The following ALAD variants were observed in gnomAD, a reference collection of about 807,000 sequenced individuals.
The protein encoded by ALAD is delta-aminolevulinic acid dehydratase.
Under a neutral mutation model 44.4 loss-of-function variants are expected in ALAD, and 20 were observed. The observed-to-expected ratio is 0.45, with a 90% CI of 0.32 to 0.65. The LOEUF (loss-of-function observed/expected upper bound fraction) is 0.65. ALAD is among the 30% of genes least tolerant of loss of function. The pLI is 0.05. For missense variants in ALAD, 323 were observed against 445.7 expected, an observed-to-expected ratio of 0.72 and a Z score of 2.48; for synonymous variants, 156 against 167.9, an observed-to-expected ratio of 0.93 and a Z score of 0.55.
chr9:113,389,205 C>A, intron 10 of ALAD, 99 bp from the exon 11 acceptor site: 2 of 1,545,220 alleles, frequency 1.3e-6, no homozygotes, highest in African/African-American at 1.4e-5. Context: ...ATCTTGAGCC[C>A]CGTGTCCTGG....
rs767727277 is a variant in ALAD at position 113,390,629 on chromosome 9, G to A, written c.445C>T (p.Arg149Trp). ...GAFRAEESRQ[R>W]LAEVALAYAK... Reference sequence around the variant, plus strand: ...TACGCCAATGCCACCTCAGCCAGCCGCTGGCGGCTCTCCTCAGCCCGGAAT... The same window carrying A: ...TACGCCAATGCCACCTCAGCCAGCCACTGGCGGCTCTCCTCAGCCCGGAAT... Residue 149 changes from arginine to tryptophan, a missense_variant, in exon 6 of 12, where the codon CGG (arginine) becomes TGG (tryptophan). Coordinates refer to ENST00000409155, the MANE Select transcript of ALAD (RefSeq NM_000031.6). 1.2e-6 allele frequency: 2 copies of A among 1,614,150 alleles called. No homozygotes were observed. Among genetic ancestry groups the A allele is most frequent in the South Asian group, 1.1e-5 (1 of 91,082 alleles).
chr9:113,390,683 G>A lies in ALAD; in HGVS notation c.398-7C>T. 4 of 1,613,288 alleles carry A rather than the reference G, an allele frequency of 2.5e-6. No homozygotes were observed. The highest frequency in any genetic ancestry group is 2.5e-6 in the Non-Finnish European group (3 of 1,179,638). ...CCGTTTTCACTCAGGAGCCCTTCAG[G>A]ACAGATGACTGGGTTTTGGGGAGCA... On this transcript the variant is annotated splice_polypyrimidine_tract_variant and splice_region_variant and intron_variant, in intron 5 of 11. Coordinates refer to ENST00000409155, the MANE Select transcript of ALAD (RefSeq NM_000031.6).
At chr9:113,393,408 C>A in intron 2 of ALAD, 39 bp downstream of exon 2, 1 of 1,510,610 alleles carries the variant, frequency 6.6e-7, no homozygotes, top group African/African-American at 1.4e-5. Context: ...CCAACCCCAA[C>A]CAGCAGAGCA....
chr9:113,389,901 G>GA (rs1827522528), intron 7 of ALAD, 73 bp from the exon 8 acceptor site: 1 of 1,576,562 alleles, frequency 6.3e-7, no homozygotes, highest in Admixed American at 1.7e-5. Context: ...GGCAGGGAGA[G>GA]AAAGAACCTA....
rs531786276 is a variant in ALAD at position 113,401,267 on chromosome 9, G to C, written c.-131C>G. 1 of 151,354 alleles carries C rather than the reference G, an allele frequency of 6.6e-6. No homozygotes were observed. Among genetic ancestry groups the C allele is most frequent in the Non-Finnish European group, 1.5e-5 (1 of 68,128 alleles). 9.4% of individuals were successfully genotyped at this position (151,354 alleles called of 1,614,324 possible). Reference sequence around the variant, plus strand: ...CCTGTCACCGCTGTCTCCCGCTCCGGTCTCCCACAGACCGCGTAAGAGCGG... The same window carrying C: ...CCTGTCACCGCTGTCTCCCGCTCCGCTCTCCCACAGACCGCGTAAGAGCGG... On this transcript the variant is annotated 5_prime_UTR_variant, in exon 1 of 12. Transcript: ENST00000409155.
At chr9:113,392,053 C>A in intron 3 of ALAD, 66 bp downstream of exon 3, 1 of 1,447,092 alleles carries the variant, frequency 6.9e-7, no homozygotes, top group South Asian at 1.2e-5. Flanking sequence ...TTCTGCCTCC[C>A]AGCACTTCCA....
chr9:113,388,173 G>A lies in ALAD; in HGVS notation c.*127C>T, dbSNP rs561104906. Reference sequence around the variant, plus strand: ...AAACCACCCAGGGCTGCTGGGCCCCGCTAGCATGTGAGCAGGAAGAGGGCA... The same window carrying A: ...AAACCACCCAGGGCTGCTGGGCCCCACTAGCATGTGAGCAGGAAGAGGGCA... On this transcript the variant is annotated 3_prime_UTR_variant, in exon 12 of 12. Coordinates refer to ENST00000409155, the MANE Select transcript of ALAD (RefSeq NM_000031.6). 1.2e-4 allele frequency: 123 copies of A among 1,024,932 alleles called. 1 individual carries two copies. In the South Asian group the frequency reaches 1.4e-3, roughly 12 times the overall value. The allele number at this position is 1,024,932 out of a possible 1,614,324, so 63.5% of individuals were successfully genotyped here. A position where few individuals can be genotyped will look rare whatever the true frequency, so the allele number is the denominator to read the frequency against.
At position 113,389,768 on chromosome 9, in the gene ALAD, C is replaced by T; in HGVS notation, c.626+5G>A. ...CACAGCAGACCCCTGCCCACCCCTG[C>T]TCACCGGAAAGGGCCATAGAAACAG... On this transcript the variant is annotated splice_donor_5th_base_variant and intron_variant, in intron 8 of 11. Coordinates refer to ENST00000409155, the MANE Select transcript of ALAD (RefSeq NM_000031.6). 1.9e-6 allele frequency: 3 copies of T among 1,614,258 alleles called. No individual in the cohort carries two copies. The highest frequency in any genetic ancestry group is 2.2e-5 in the South Asian group (2 of 91,088).
Position 113,393,633 on chromosome 9 carries a change from G to A in ALAD, c.-74C>T, listed in dbSNP as rs1232012079. The A allele has an allele frequency of 8.0e-6, 10 of 1,243,778 alleles. No homozygotes were observed. The highest frequency in any genetic ancestry group is 1.1e-5 in the Non-Finnish European group (9 of 846,438). The allele number at this position is 1,243,778 out of a possible 1,614,324, so 77.0% of individuals were successfully genotyped here. A position where few individuals can be genotyped will look rare whatever the true frequency, so the allele number is the denominator to read the frequency against. On this transcript the variant is annotated splice_region_variant and 5_prime_UTR_variant, in exon 2 of 12. Transcript: ENST00000409155. ...TCCTGGGGCATTGGCTGCAGGCTCT[G>A]TCTGTGGGGGGTGATGGGTGGCACA...
intron 2 of ALAD, 45 bp downstream of exon 2, chr9:113,393,402 C>A: frequency 1.3e-5 from 20 of 1,498,810 alleles, no homozygotes; most frequent in Non-Finnish European, 1.9e-5. Context: ...CCAACCCCAA[C>A]CCCAACCAGC....
At chr9:113,388,422 T>C (rs940850440) in intron 11 of ALAD, 61 bp from the exon 12 acceptor site, 1 of 1,525,742 alleles carries the variant, frequency 6.6e-7, no homozygotes, top group Admixed American at 1.7e-5. Flanking sequence ...GAGCACACCT[T>C]CTGCGATGGG....
At chr9:113,392,508 T>TCTTGGCCTTAGGC (rs1827619418) in intron 2 of ALAD, 3 of 360,832 alleles carry the variant, frequency 8.3e-6, no homozygotes, top group Non-Finnish European at 5.1e-6. Flanking sequence ...CCAAGTTCTA[T>TCTTGGCCTTAGGC]CATCTCTTTG....
intron 4 of ALAD, among the ~76,000 whole-genome samples, chr9:113,391,148 G>T (rs1827571335): frequency 6.6e-6 from 1 of 152,236 alleles, no homozygotes; most frequent in Admixed American, 6.5e-5. Context: ...CACAATGTGG[G>T]AGTGAGGGTG....
rs991384189 is a variant in ALAD, at chr9:113,397,626, T to C, written c.-76+3586A>G. Among the ~76,000 whole-genome samples, 54 of 142,012 alleles carry C rather than the reference T, an allele frequency of 3.8e-4. 1 individual carries two copies. The highest frequency in any genetic ancestry group is 7.3e-4 in the Non-Finnish European group (47 of 64,790). 93.2% of individuals were successfully genotyped at this position (142,012 alleles called of 152,430 possible). The stretch of plus-strand genomic sequence containing the variant: ...AGGAGTTTTTTTTCCTTTTCTTTTT[T>C]TTTTTTTTTTTTTTTTGAGACAGAG... On this transcript the variant is annotated intron_variant, in intron 1 of 11. Transcript: ENST00000409155.
chr9:113,392,181 G>T lies in ALAD; in HGVS notation c.114-12C>A. The T allele has an allele frequency of 6.2e-7, 1 of 1,613,966 alleles. No homozygotes were observed. The highest frequency in any genetic ancestry group is 1.1e-5 in the South Asian group (1 of 91,080). On this transcript the variant is annotated splice_polypyrimidine_tract_variant and intron_variant, in intron 2 of 11. Transcript: ENST00000409155. ...CATCAGGAACATCCCTGCAAGAGCG[G>T]GGGTGGGATATGGATTGGTAGCTGT...
At chr9:113,392,813 CTCTT>C (rs1827627741) in intron 2 of ALAD, among the ~76,000 whole-genome samples, 1 of 117,050 alleles carries the variant, frequency 8.5e-6, no homozygotes, top group Non-Finnish European at 1.8e-5. Context: ...CGATTGCCAT[CTCTT>C]TTTTTTTTTT....
At chr9:113,397,025 C>CA (rs879356809) in intron 1 of ALAD, 8 of 152,218 alleles carry the variant, frequency 5.3e-5, no homozygotes, top group Non-Finnish European at 1.2e-4. Flanking sequence ...CCTCAAGGTC[C>CA]AGAGAGGGGC....
intron 1 of ALAD, chr9:113,396,250 T>C (rs1057137674): frequency 7.2e-5 from 11 of 152,022 alleles, no homozygotes; most frequent in African/African-American, 2.7e-4. Flanking sequence ...TAGCTGGGTG[T>C]GGTGGTGTGC....
In ALAD at chr9:113,392,886, C is replaced by T. The variant is rs187658923; in HGVS notation, c.113+561G>A. Among the ~76,000 whole-genome samples the T allele has an allele frequency of 2.5e-3, 352 of 140,064 alleles. 1 individual carries two copies. Among genetic ancestry groups the T allele is most frequent in the African/African-American group, 8.9e-3 (328 of 37,016 alleles). 91.9% of individuals were successfully genotyped at this position (140,064 alleles called of 152,430 possible). On this transcript the variant is annotated intron_variant, in intron 2 of 11. Coordinates refer to ENST00000409155, the MANE Select transcript of ALAD (RefSeq NM_000031.6). ...AGGCTGGAGTGAAGTGGTGCAATCT[C>T]GGCTCACTGCAAGCTCCGCCTCCCG... is the stretch of plus-strand genomic sequence containing the variant.
Sources: gnomAD v4.1 joint callset for allele counts (sites outside exome capture counted in the v4.1 genomes callset) on GRCh38, gnomAD v4.1.1 for gene constraint, MANE v1.5 for transcripts, NCBI Gene and HGNC (gene_info 2026-07-23, HGNC 2026-07-21) for gene names.